ZRANB3: variants seen among roughly 807,000 people sequenced by gnomAD.
The protein encoded by ZRANB3 is zinc finger RANBP2-type containing 3.
In ZRANB3, 125 loss-of-function variants were observed where a neutral mutation model predicts 133.8. That is an observed-to-expected ratio of 0.93 (90% CI 0.81 to 1.08). ZRANB3 has a LOEUF of 1.08. ZRANB3 is among the 50% of genes least tolerant of loss of function. The probability of loss-of-function intolerance (pLI) is 0.00; values close to 1 mark genes in which losing one functional copy is unlikely to be tolerated. For synonymous variants in ZRANB3, 387 were observed against 432.7 expected, an observed-to-expected ratio of 0.89 and a Z score of 1.31; for missense variants, 1,229 against 1,275.5, an observed-to-expected ratio of 0.96 and a Z score of 0.56.
At chr2:135,366,929 G>A (rs1038799265) in intron 3 of ZRANB3, among the ~76,000 whole-genome samples, 1 of 152,082 alleles carries the variant, frequency 6.6e-6, no homozygotes, top group African/African-American at 2.4e-5. Context: ...GCTGAGGCAG[G>A]AGAATGGCGT....
At chr2:135,350,946 T>A (rs1384069357) in intron 4 of ZRANB3, among the ~76,000 whole-genome samples, 3 of 152,194 alleles carry the variant, frequency 2.0e-5, no homozygotes, top group Non-Finnish European at 4.4e-5. Context: ...CATTTACATA[T>A]TTATGTCTCT....
intron 6 of ZRANB3, among the ~76,000 whole-genome samples, chr2:135,322,755 G>A (rs983525585): frequency 1.3e-5 from 2 of 152,058 alleles, no homozygotes; most frequent in African/African-American, 2.4e-5. Flanking sequence ...AGTGGCTCAC[G>A]CCTGTAATCT....
At chr2:135,212,221 TTG>T (rs1694121111) in intron 17 of ZRANB3, among the ~76,000 whole-genome samples, 1 of 152,190 alleles carries the variant, frequency 6.6e-6, no homozygotes, top group Non-Finnish European at 1.5e-5. Context: ...GCACAGTAAA[TTG>T]TTTTAGAGTT....
intron 2 of ZRANB3, among the ~76,000 whole-genome samples, chr2:135,440,477 C>A (rs1689732069): frequency 6.6e-6 from 1 of 151,862 alleles, no homozygotes; most frequent in Non-Finnish European, 1.5e-5. Flanking sequence ...GCTCAACAGT[C>A]AACTGTGCAA....
In ZRANB3 at chr2:135,313,550, C is replaced by T. The variant is rs746066037; in HGVS notation, c.905G>A (p.Gly302Asp). ...CAACCCCATGACTGTCTCCATGGCACCTGAATTTGGAGTTCTCATTATTTT... is the reference window on the plus strand; with the variant it reads ...CAACCCCATGACTGTCTCCATGGCATCTGAATTTGGAGTTCTCATTATTTT... ...WEKIMRTPNS[G>D]AMETVMGLIT... Residue 302 changes from glycine (G) to aspartate (D), a missense_variant, in exon 8 of 21, where the codon GGT becomes GAT. Gly to Asp is a moderately conservative substitution (Grantham distance 94, BLOSUM62 -1). Coordinates refer to ENST00000264159, the MANE Select transcript of ZRANB3 (RefSeq NM_032143.4). The T allele has an allele frequency of 7.4e-6, 12 of 1,613,644 alleles. No individual in the cohort carries two copies. The highest frequency in any genetic ancestry group is 8.5e-7 in the Non-Finnish European group (1 of 1,179,824).
intron 2 of ZRANB3, among the ~76,000 whole-genome samples, chr2:135,477,158 T>C (rs1222435899): frequency 6.6e-6 from 1 of 152,242 alleles, no homozygotes; most frequent in Non-Finnish European, 1.5e-5. Flanking sequence ...AGTATGTCTT[T>C]TTCTCTGTTA....
chr2:135,241,547 C>T (rs1156849021), intron 12 of ZRANB3, among the ~76,000 whole-genome samples: 2 of 151,900 alleles, frequency 1.3e-5, no homozygotes, highest in African/African-American at 2.4e-5. Context: ...GACACTTGAT[C>T]GTCCCTTCCT....
chr2:135,374,375 C>T lies in ZRANB3; in HGVS notation c.180+16427G>A, dbSNP rs549106009. ...GAGCTGAGATCACGCCACTACACTC[C>T]AGCCTGGGCGACAGAGCAAGACTAC... On this transcript the variant is annotated intron_variant, in intron 3 of 20. Transcript: ENST00000264159. 2.0e-5 allele frequency among the ~76,000 whole-genome samples: 3 copies of T among 152,182 alleles called. No individual in the cohort carries two copies. The South Asian group carries it at 6.2e-4, about 32-fold the overall frequency.
At chr2:135,422,092 G>T (rs1397130379) in intron 2 of ZRANB3, among the ~76,000 whole-genome samples, 2 of 151,676 alleles carry the variant, frequency 1.3e-5, no homozygotes, top group African/African-American at 4.8e-5. Context: ...TGCCTGCAAG[G>T]TGTCACATTC....
At chr2:135,517,736 G>C (rs1216909406) in intron 1 of ZRANB3, among the ~76,000 whole-genome samples, 1 of 152,186 alleles carries the variant, frequency 6.6e-6, no homozygotes, top group Admixed American at 6.5e-5. Context: ...GGGGCATGGG[G>C]GTCAGGGACC....
chr2:135,376,108 C>G (rs1686417180), intron 3 of ZRANB3, among the ~76,000 whole-genome samples: 2 of 152,268 alleles, frequency 1.3e-5, no homozygotes, highest in East Asian at 1.9e-4. Context: ...CAGAGGCAGA[C>G]AATACAGTGA....
rs552518485 is a variant in ZRANB3, at chr2:135,319,455, A to C, written c.678-3925T>G. 2.6e-5 allele frequency among the ~76,000 whole-genome samples: 4 copies of C among 152,294 alleles called. No individual in the cohort carries two copies. In the East Asian group the frequency reaches 7.7e-4, roughly 29 times the overall value. On this transcript the variant is annotated intron_variant, in intron 6 of 20. Coordinates refer to ENST00000264159, the MANE Select transcript of ZRANB3 (RefSeq NM_032143.4). Reference sequence around the variant, plus strand: ...TCGAATTTTGTTGTTTATTAATGATAATTTTTTAAAGTTTATTTCAAGTTT... The same window carrying C: ...TCGAATTTTGTTGTTTATTAATGATCATTTTTTAAAGTTTATTTCAAGTTT...
chr2:135,389,138 T>C (rs1687111524), intron 3 of ZRANB3, among the ~76,000 whole-genome samples: 1 of 152,152 alleles, frequency 6.6e-6, no homozygotes, highest in Non-Finnish European at 1.5e-5. Context: ...AGAACTCATC[T>C]TGTTTCAAAA....
chr2:135,339,372 C>A (rs1450900287), intron 6 of ZRANB3, among the ~76,000 whole-genome samples: 1 of 151,974 alleles, frequency 6.6e-6, no homozygotes, highest in Admixed American at 6.6e-5. Context: ...CCACTGCACT[C>A]CAGCCTGGGT....
chr2:135,220,417 A>G lies in ZRANB3; in HGVS notation c.2251-1239T>C, dbSNP rs369360076. ...AAGTAGGCACTGATTAAAAATTTTG[A>G]GGCCAGGCACAGTGGCTCATGCCTG... On this transcript the variant is annotated intron_variant, in intron 15 of 20. Transcript: ENST00000264159. 2.2e-4 allele frequency among the ~76,000 whole-genome samples: 33 copies of G among 151,866 alleles called. No homozygotes were observed. The South Asian group carries it at 5.8e-3, about 27-fold the overall frequency.
At chr2:135,230,174 T>C (rs1694932086) in intron 13 of ZRANB3, among the ~76,000 whole-genome samples, 1 of 152,140 alleles carries the variant, frequency 6.6e-6, no homozygotes, top group Admixed American at 6.5e-5. Context: ...AAATAGAAGG[T>C]CTATGAGTAT....
intron 2 of ZRANB3, among the ~76,000 whole-genome samples, chr2:135,453,912 T>C (rs1300593881): frequency 6.6e-6 from 1 of 152,222 alleles, no homozygotes; most frequent in Non-Finnish European, 1.5e-5. Flanking sequence ...ATTATTGTAT[T>C]AGTCTGTTTT....
chr2:135,388,205 T>C (rs1489471177), intron 3 of ZRANB3, among the ~76,000 whole-genome samples: 1 of 152,312 alleles, frequency 6.6e-6, no homozygotes, highest in East Asian at 1.9e-4. Flanking sequence ...TGAGACTTAC[T>C]GGCTATCATG....
intron 12 of ZRANB3, among the ~76,000 whole-genome samples, chr2:135,246,715 T>C (rs764952466): frequency 6.6e-6 from 1 of 152,240 alleles, no homozygotes; most frequent in East Asian, 1.9e-4. Flanking sequence ...AACTCAGTTA[T>C]TATGTTCCTG....
Sources: allele counts gnomAD v4.1 joint callset (sites outside exome capture counted in the v4.1 genomes callset), GRCh38; gene constraint gnomAD v4.1.1; transcripts MANE v1.5; gene names NCBI Gene and HGNC (gene_info 2026-07-23, HGNC 2026-07-21).